RAB28: variants seen among roughly 807,000 people sequenced by gnomAD.
RAB28 encodes ras-related protein Rab-28.
A neutral mutation model predicts 31.7 loss-of-function variants in RAB28; 24 were observed. The ratio of observed to expected loss-of-function variants is 0.76; its 90% CI spans 0.55 to 1.06. RAB28 has a LOEUF of 1.06. Among genes scored for constraint, RAB28 ranks in the 50% least tolerant of loss-of-function variants. The pLI, the probability that RAB28 is intolerant of heterozygous loss-of-function variation, is 0.00. For synonymous variants in RAB28, 100 were observed against 90.4 expected, an observed-to-expected ratio of 1.11 and a Z score of -0.60; for missense variants, 254 against 258.5, an observed-to-expected ratio of 0.98 and a Z score of 0.12.
At chr4:13,391,858 G>C (rs1729645340) in intron 4 of RAB28, among the ~76,000 whole-genome samples, 1 of 150,220 alleles carries the variant, frequency 6.7e-6, no homozygotes, top group African/African-American at 2.4e-5. Context: ...TGAACAATGA[G>C]AACACTTGGA....
chr4:13,381,397 T>A, intron 5 of RAB28, 94 bp downstream of exon 5: 1 of 844,806 alleles, frequency 1.2e-6, no homozygotes, highest in Non-Finnish European at 1.9e-6. Flanking sequence ...TAGGAATTAA[T>A]TTGCTCCAAA....
chr4:13,463,716 T>A (rs1218319771), intron 3 of RAB28, among the ~76,000 whole-genome samples: 2 of 152,024 alleles, frequency 1.3e-5, no homozygotes, highest in African/African-American at 4.8e-5. Context: ...AACACAAACA[T>A]CTCCCTGTTC....
At chr4:13,479,232 A>G (rs1716497772) in intron 2 of RAB28, among the ~76,000 whole-genome samples, 198 bp downstream of exon 2, 1 of 151,658 alleles carries the variant, frequency 6.6e-6, no homozygotes, top group African/African-American at 2.4e-5. Flanking sequence ...GGGAGAGTAT[A>G]TAAACTTTTT....
At chr4:13,458,579 A>C (rs894695115) in intron 4 of RAB28, among the ~76,000 whole-genome samples, 4 of 152,226 alleles carry the variant, frequency 2.6e-5, no homozygotes, top group African/African-American at 7.2e-5. Flanking sequence ...CAAATAAGTT[A>C]GAAAACAACG....
chr4:13,481,745 G>A (rs1041044848), intron 1 of RAB28, among the ~76,000 whole-genome samples: 2 of 152,192 alleles, frequency 1.3e-5, no homozygotes, highest in Admixed American at 6.5e-5. Context: ...TTCTCTTGGA[G>A]AAACTGTTAG....
chr4:13,398,087 T>A (rs980891060), intron 4 of RAB28, among the ~76,000 whole-genome samples: 3 of 152,248 alleles, frequency 2.0e-5, no homozygotes, highest in Admixed American at 6.5e-5. Context: ...GGATAATGCA[T>A]AACTATTTCT....
In RAB28 at chr4:13,457,602, AAAAG is replaced by A. The variant is rs1314613310; in HGVS notation, c.391+3093_391+3096del. 4.7e-5 allele frequency among the ~76,000 whole-genome samples: 7 copies of A among 149,142 alleles called. No homozygotes were observed. The East Asian group carries it at 1.2e-3, about 25-fold the overall frequency. Reference sequence around the variant, plus strand: ...GGGTTATAGCTATGCCAAAAGTAAAAAAAGAAAAAAGAAAAAAAAAAACCTCTTG... The same window carrying A: ...GGGTTATAGCTATGCCAAAAGTAAAAAAAAAAGAAAAAAAAAAACCTCTTG... On this transcript the variant is annotated intron_variant, in intron 4 of 6. Transcript: ENST00000330852.
intron 4 of RAB28, among the ~76,000 whole-genome samples, chr4:13,426,945 T>C (rs753799584): frequency 6.6e-6 from 1 of 152,224 alleles, no homozygotes; most frequent in Non-Finnish European, 1.5e-5. Flanking sequence ...GGCAACTGCC[T>C]AATAAAAGTT....
intron 4 of RAB28, among the ~76,000 whole-genome samples, chr4:13,440,481 C>T (rs534785535): frequency 5.7e-4 from 87 of 152,112 alleles, no homozygotes; most frequent in African/African-American, 1.5e-3. Flanking sequence ...TCACAATAAT[C>T]AATATTTTTA....
chr4:13,466,394 A>G (rs2108965046), intron 3 of RAB28, among the ~76,000 whole-genome samples: 1 of 152,128 alleles, frequency 6.6e-6, no homozygotes, highest in South Asian at 2.1e-4. Context: ...AAAATTGGCA[A>G]GAGACCCATA....
At chr4:13,483,128 A>G (rs970580496) in intron 1 of RAB28, among the ~76,000 whole-genome samples, 3 of 152,014 alleles carry the variant, frequency 2.0e-5, no homozygotes, top group African/African-American at 4.8e-5. Flanking sequence ...GCTCTTCACT[A>G]TTTGCTGGTG....
intron 4 of RAB28, among the ~76,000 whole-genome samples, chr4:13,386,172 G>T (rs948596534): frequency 6.6e-6 from 1 of 151,886 alleles, no homozygotes; most frequent in African/African-American, 2.4e-5. Flanking sequence ...GACAACCTAA[G>T]CAAAACCATT....
intron 6 of RAB28, chr4:13,369,913 G>A (rs780070140): frequency 6.2e-6 from 10 of 1,612,006 alleles, no homozygotes; most frequent in Middle Eastern, 1.7e-4. Context: ...AGTAGAGGTG[G>A]TATGTTGATT....
intron 4 of RAB28, among the ~76,000 whole-genome samples, chr4:13,416,339 C>A (rs1712777793): frequency 6.6e-6 from 1 of 152,166 alleles, no homozygotes; most frequent in African/African-American, 2.4e-5. Flanking sequence ...ACAAACCCAC[C>A]AGAAGGAAGA....
At chr4:13,474,155 A>T (rs1716242806) in intron 3 of RAB28, 163 bp downstream of exon 3, 1 of 744,220 alleles carries the variant, frequency 1.3e-6, no homozygotes, top group Non-Finnish European at 2.5e-6. Context: ...TAATTAGGAG[A>T]GCATGAAACC....
At chr4:13,390,931 A>G (rs1729600170) in intron 4 of RAB28, among the ~76,000 whole-genome samples, 1 of 152,230 alleles carries the variant, frequency 6.6e-6, no homozygotes, top group Non-Finnish European at 1.5e-5. Context: ...CTTAAATGTT[A>G]GACCTAAAAC....
At chr4:13,379,386 TG>T (rs1362444721) in intron 5 of RAB28, among the ~76,000 whole-genome samples, 1 of 151,854 alleles carries the variant, frequency 6.6e-6, no homozygotes, top group East Asian at 1.9e-4. Flanking sequence ...GGTACACCCA[TG>T]AAAAAGTGGA....
intron 4 of RAB28, among the ~76,000 whole-genome samples, chr4:13,418,717 T>C (rs993839879): frequency 2.6e-5 from 4 of 152,146 alleles, no homozygotes; most frequent in African/African-American, 9.7e-5. Flanking sequence ...GATTTTGTCA[T>C]CACCAGGCCT....
intron 5 of RAB28, among the ~76,000 whole-genome samples, chr4:13,377,464 T>C (rs1728967374): frequency 6.6e-6 from 1 of 152,246 alleles, no homozygotes; most frequent in Admixed American, 6.5e-5. Flanking sequence ...AAGCATATTT[T>C]AGTTCACTGA....
Sources: gnomAD v4.1 joint callset for allele counts (sites outside exome capture counted in the v4.1 genomes callset) on GRCh38, gnomAD v4.1.1 for gene constraint, MANE v1.5 for transcripts, NCBI Gene and HGNC (gene_info 2026-07-23, HGNC 2026-07-21) for gene names.